DNAH6: variants seen among roughly 807,000 people sequenced by gnomAD.
The protein encoded by DNAH6 is axonemal beta dynein heavy chain 6.
Under a neutral mutation model 491.4 loss-of-function variants are expected in DNAH6, and 340 were observed. The observed-to-expected ratio is 0.69, with a 90% CI of 0.63 to 0.76. The LOEUF is 0.76. DNAH6 is among the 30% of genes least tolerant of loss of function. The pLI is 0.00. For synonymous variants in DNAH6, 1,603 were observed against 1,686.1 expected (o/e 0.95, Z 1.21); for missense variants, 4,443 against 4,972.2 (o/e 0.89, Z 3.20).
chr2:84,793,861 G>A (rs1678031716), intron 68 of DNAH6, among the ~76,000 whole-genome samples: 1 of 152,112 alleles, frequency 6.6e-6, no homozygotes, highest in African/African-American at 2.4e-5. Flanking sequence ...TTGCTGTCTT[G>A]GAAGAAATAA....
chr2:84,603,033 C>G (rs899110156), intron 18 of DNAH6, among the ~76,000 whole-genome samples: 6 of 151,980 alleles, frequency 3.9e-5, no homozygotes, highest in Non-Finnish European at 7.4e-5. Flanking sequence ...TCCATTAGAA[C>G]CTTTAACATG....
chr2:84,505,612 G>A, the DNAH6 span, among the ~76,000 whole-genome samples: 5 of 152,016 alleles, frequency 3.3e-5, no homozygotes, highest in African/African-American at 1.2e-4. Flanking sequence ...ACAACATGCA[G>A]GTTAGTTACA....
intron 13 of DNAH6, among the ~76,000 whole-genome samples, chr2:84,579,303 C>A (rs2103994532): frequency 6.6e-6 from 1 of 152,288 alleles, no homozygotes; most frequent in East Asian, 1.9e-4. Flanking sequence ...AATATTAGAG[C>A]ATTTAGGGAA....
the DNAH6 span, among the ~76,000 whole-genome samples, chr2:84,486,185 G>T: frequency 6.6e-6 from 1 of 152,066 alleles, no homozygotes; most frequent in Non-Finnish European, 1.5e-5. Context: ...CATTTCTCAT[G>T]AAAAACATTA....
In DNAH6 at chr2:84,529,128, G is replaced by A. The variant is rs1290491238; in HGVS notation, c.624G>A (p.Val208=). The change falls in exon 4 of 77, where the codon GTG becomes GTA. Residue 208 remains valine, a synonymous_variant. Coordinates refer to ENST00000389394, the MANE Select transcript of DNAH6 (RefSeq NM_001370.2). Reference sequence around the variant, plus strand: ...GATTTCTTTATATGATCCCTGCAGTGCCAAGATCATCCATTGAATATGATA... The same window carrying A: ...GATTTCTTTATATGATCCCTGCAGTACCAAGATCATCCATTGAATATGATA... ...HLGFLYMIPA[V]PRSSIEYDTY... 46 of 1,549,726 alleles carry A rather than the reference G, an allele frequency of 3.0e-5. No individual in the cohort carries two copies. Among genetic ancestry groups the A allele is most frequent in the Admixed American group, 7.9e-5 (4 of 50,936 alleles).
At chr2:84,494,413 C>G in the DNAH6 span, among the ~76,000 whole-genome samples, 2 of 152,186 alleles carry the variant, frequency 1.3e-5, no homozygotes, top group Non-Finnish European at 2.9e-5. Flanking sequence ...CATTTTCCTA[C>G]TGTACTCATT....
intron 10 of DNAH6, among the ~76,000 whole-genome samples, chr2:84,553,364 CTTTT>C (rs1558702921): frequency 8.2e-5 from 1 of 12,138 alleles, no homozygotes; most frequent in Non-Finnish European, 1.7e-4. Flanking sequence ...CTTTTCTTTT[CTTTT>C]CTTTCTTTCT....
chr2:84,630,604 A>T (rs549891190), intron 29 of DNAH6, among the ~76,000 whole-genome samples: 209 of 152,340 alleles, frequency 1.4e-3, no homozygotes, highest in Non-Finnish European at 2.3e-3. Context: ...AACTGCTATA[A>T]ATTTAAAGAG....
At chr2:84,528,806 G>A in intron 3 of DNAH6, 98 bp from the exon 4 acceptor site, 2 of 1,193,336 alleles carry the variant, frequency 1.7e-6, no homozygotes, top group South Asian at 1.6e-5. Flanking sequence ...GACATCTCAT[G>A]CAATATGGCA....
chr2:84,751,598 T>C (rs540442324), intron 63 of DNAH6, among the ~76,000 whole-genome samples: 1 of 152,366 alleles, frequency 6.6e-6, no homozygotes, highest in South Asian at 2.1e-4. Flanking sequence ...TTGGCATCAA[T>C]AGTATCAACT....
intron 68 of DNAH6, among the ~76,000 whole-genome samples, 191 bp downstream of exon 68, chr2:84,787,493 C>T (rs1287562893): frequency 6.7e-6 from 1 of 149,794 alleles, no homozygotes; most frequent in African/African-American, 2.5e-5. Flanking sequence ...TATTCACACA[C>T]AGAAAATGGG....
At chr2:84,591,102 T>C (rs1029879514) in intron 16 of DNAH6, among the ~76,000 whole-genome samples, 1 of 152,202 alleles carries the variant, frequency 6.6e-6, no homozygotes, top group Non-Finnish European at 1.5e-5. Flanking sequence ...TCCAATGTGA[T>C]ACATTATCAG....
intron 45 of DNAH6, among the ~76,000 whole-genome samples, chr2:84,693,061 G>T (rs1695027767): frequency 6.6e-6 from 1 of 151,768 alleles, no homozygotes. Context: ...CTTGATCTTT[G>T]GGTCCGTGGG....
intron 18 of DNAH6, among the ~76,000 whole-genome samples, chr2:84,598,198 T>TTCTC (rs2104217348): frequency 7.9e-6 from 1 of 126,898 alleles, no homozygotes; most frequent in South Asian, 2.4e-4. Context: ...TTTTCTTTCT[T>TTCTC]TCTTTCTTTC....
At chr2:84,686,659 G>C in intron 44 of DNAH6, 102 bp downstream of exon 44, 3 of 723,602 alleles carry the variant, frequency 4.1e-6, no homozygotes, top group Non-Finnish European at 6.6e-6. Context: ...TGTGTGAGGA[G>C]TTAAGATCTA....
At chr2:84,691,195 A>G (rs969989279) in intron 45 of DNAH6, among the ~76,000 whole-genome samples, 6 of 152,238 alleles carry the variant, frequency 3.9e-5, no homozygotes, top group African/African-American at 1.4e-4. Flanking sequence ...GAAAAAAATA[A>G]TACTACAAAG....
the DNAH6 span, among the ~76,000 whole-genome samples, chr2:84,482,536 T>A: frequency 5.8e-4 from 88 of 152,334 alleles, no homozygotes; most frequent in Middle Eastern, 3.4e-3. Context: ...TAGAGGAAGC[T>A]GAGAATTCTT....
At chr2:84,745,467 C>T (rs889060904) in intron 63 of DNAH6, among the ~76,000 whole-genome samples, 10 of 152,264 alleles carry the variant, frequency 6.6e-5, no homozygotes, top group African/African-American at 1.9e-4. Flanking sequence ...AGATCGCGAC[C>T]ATCGTGGCTA....
intron 29 of DNAH6, among the ~76,000 whole-genome samples, chr2:84,630,479 C>T (rs1028340518): frequency 6.6e-6 from 1 of 152,036 alleles, no homozygotes; most frequent in East Asian, 1.9e-4. Flanking sequence ...AGATAAAGGA[C>T]CATGTTAACA....
Sources: gnomAD v4.1 joint callset for allele counts (sites outside exome capture counted in the v4.1 genomes callset) on GRCh38, gnomAD v4.1.1 for gene constraint, MANE v1.5 for transcripts, NCBI Gene and HGNC (gene_info 2026-07-23, HGNC 2026-07-21) for gene names.